The following EIF4G3 variants were observed in gnomAD, a reference collection of about 807,000 sequenced individuals.
The protein encoded by EIF4G3 is eukaryotic translation initiation factor 4 gamma 3.
EIF4G3 carries 34 observed loss-of-function variants against 186.4 expected under a neutral mutation model. That is an observed-to-expected ratio of 0.18 (90% CI 0.14 to 0.24). The LOEUF is 0.24. Ranked by LOEUF, EIF4G3 falls within the 10% of genes least tolerant of loss-of-function variation. The pLI is 1.00. For missense variants in EIF4G3, 1,536 were observed against 1,948.5 expected, an observed-to-expected ratio of 0.79 and a Z score of 3.99; for synonymous variants, 673 against 679.5, an observed-to-expected ratio of 0.99 and a Z score of 0.15.
chr1:21,068,267 G>T (rs2095320386), intron 3 of EIF4G3, among the ~76,000 whole-genome samples: 1 of 150,746 alleles, frequency 6.6e-6, no homozygotes, highest in Non-Finnish European at 1.5e-5. Context: ...TACTCGGGAG[G>T]CTGAGGCATG....
At chr1:20,930,806 A>G (rs918612971) in intron 14 of EIF4G3, among the ~76,000 whole-genome samples, 2 of 152,162 alleles carry the variant, frequency 1.3e-5, no homozygotes, top group Non-Finnish European at 2.9e-5. Context: ...GTTAGAATCA[A>G]CTTCTTCCAA....
At chr1:20,919,992 C>T (rs2094348021) in intron 14 of EIF4G3, among the ~76,000 whole-genome samples, 1 of 151,762 alleles carries the variant, frequency 6.6e-6, no homozygotes, top group African/African-American at 2.4e-5. Flanking sequence ...CTACAACCTC[C>T]ACCTCCCGGG....
chr1:21,023,817 G>C (rs1330499133), intron 4 of EIF4G3, among the ~76,000 whole-genome samples: 1 of 143,374 alleles, frequency 7.0e-6, no homozygotes, highest in Non-Finnish European at 1.5e-5. Flanking sequence ...AGTGAGGAGC[G>C]CCTCTTCCCG....
At chr1:20,981,251 T>A (rs564512136) in intron 8 of EIF4G3, 24 bp from the exon 9 acceptor site, 2,129 of 377,028 alleles carry the variant, frequency 5.6e-3, no homozygotes, top group South Asian at 0.018. Context: ...AAAAAAAAAA[T>A]TTTTTTTTTT....
At chr1:20,973,865 C>G (rs2076340426) in intron 10 of EIF4G3, among the ~76,000 whole-genome samples, 1 of 152,118 alleles carries the variant, frequency 6.6e-6, no homozygotes, top group Admixed American at 6.5e-5. Context: ...AAACTTAAGA[C>G]TATTATTATA....
intron 3 of EIF4G3, among the ~76,000 whole-genome samples, chr1:21,077,841 T>C (rs2095634859): frequency 2.7e-5 from 4 of 149,502 alleles, no homozygotes; most frequent in East Asian, 2.0e-4. Context: ...GATCACATCA[T>C]TGCACTCCAG....
At chr1:21,155,033 C>T (rs1022766577) in intron 2 of EIF4G3, among the ~76,000 whole-genome samples, 1 of 151,902 alleles carries the variant, frequency 6.6e-6, no homozygotes, top group Non-Finnish European at 1.5e-5. Context: ...GATGCTGAGG[C>T]GGGTGGATTA....
At chr1:20,967,656 A>T (rs2074991420) in intron 12 of EIF4G3, among the ~76,000 whole-genome samples, 2 of 152,216 alleles carry the variant, frequency 1.3e-5, no homozygotes, top group Non-Finnish European at 2.9e-5. Context: ...CATTACAACA[A>T]AGGACCAAAA....
At chr1:20,823,313 C>A (rs2062837765) in intron 33 of EIF4G3, among the ~76,000 whole-genome samples, 1 of 152,098 alleles carries the variant, frequency 6.6e-6, no homozygotes, top group African/African-American at 2.4e-5. Context: ...TCCAAATCTC[C>A]TAACATATTA....
At chr1:20,821,729 T>C (rs2062421012) in intron 33 of EIF4G3, among the ~76,000 whole-genome samples, 1 of 150,774 alleles carries the variant, frequency 6.6e-6, no homozygotes, top group African/African-American at 2.5e-5. Context: ...TTCCCTATTA[T>C]GTATACTTCA....
chr1:20,953,803 C>T (rs903324974), intron 12 of EIF4G3, among the ~76,000 whole-genome samples: 2 of 151,960 alleles, frequency 1.3e-5, no homozygotes, highest in Admixed American at 1.3e-4. Flanking sequence ...CAAATGTTGG[C>T]GGGGTGGTGG....
At chr1:21,000,285 A>T (rs1053132361) in intron 6 of EIF4G3, among the ~76,000 whole-genome samples, 4 of 152,168 alleles carry the variant, frequency 2.6e-5, no homozygotes, top group African/African-American at 9.7e-5. Flanking sequence ...GACAGGCACA[A>T]AGATAACCTG....
At chr1:21,165,604 C>T (rs186757868) in intron 2 of EIF4G3, among the ~76,000 whole-genome samples, 165 of 152,146 alleles carry the variant, frequency 1.1e-3, no homozygotes, top group Non-Finnish European at 1.1e-3. Context: ...AGTCCATTTA[C>T]GTAAAAAGTT....
chr1:20,917,748 A>G, intron 14 of EIF4G3, among the ~76,000 whole-genome samples: 1 of 152,202 alleles, frequency 6.6e-6, no homozygotes, highest in East Asian at 1.9e-4. Flanking sequence ...TTTTATGTGT[A>G]CATTAACCTT....
chr1:20,958,481 C>T (rs1212470110), intron 12 of EIF4G3, among the ~76,000 whole-genome samples: 8 of 152,116 alleles, frequency 5.3e-5, no homozygotes, highest in Admixed American at 3.3e-4. Flanking sequence ...TCCCTGACAA[C>T]AGGAACAAGA....
intron 2 of EIF4G3, among the ~76,000 whole-genome samples, chr1:21,092,702 C>T (rs1173522536): frequency 2.0e-5 from 3 of 152,150 alleles, no homozygotes; most frequent in Non-Finnish European, 4.4e-5. Context: ...TCAAACTATA[C>T]TACAAGGCTA....
At chr1:20,917,547 C>T (rs1338810405) in intron 14 of EIF4G3, among the ~76,000 whole-genome samples, 3 of 152,034 alleles carry the variant, frequency 2.0e-5, no homozygotes, top group Admixed American at 6.5e-5. Flanking sequence ...CTTTCATTTA[C>T]GTAAGATTTC....
intron 12 of EIF4G3, among the ~76,000 whole-genome samples, chr1:20,951,015 G>A (rs1485492857): frequency 2.0e-5 from 3 of 151,856 alleles, no homozygotes; most frequent in Non-Finnish European, 4.4e-5. Flanking sequence ...ATCCTACAAC[G>A]AATTCTATCA....
chr1:20,936,393 C>G (rs2095517807), intron 14 of EIF4G3, among the ~76,000 whole-genome samples: 1 of 152,104 alleles, frequency 6.6e-6, no homozygotes, highest in Non-Finnish European at 1.5e-5. Context: ...TGGTAGATGA[C>G]AAAGAACCAG....
Sources: allele counts gnomAD v4.1 joint callset (sites outside exome capture counted in the v4.1 genomes callset), GRCh38; gene constraint gnomAD v4.1.1; transcripts MANE v1.5; gene names NCBI Gene and HGNC (gene_info 2026-07-23, HGNC 2026-07-21).